The following SLC29A2 variants were observed in gnomAD, a reference collection of about 807,000 sequenced individuals.
The protein encoded by SLC29A2 is solute carrier family 29 member 2.
In SLC29A2, 37 loss-of-function variants were observed where a neutral mutation model predicts 48.8. That is an observed-to-expected ratio of 0.76 (90% CI 0.58 to 1.00). SLC29A2 has a LOEUF of 1.00. SLC29A2 is among the 50% of genes least tolerant of loss of function. SLC29A2 has a pLI of 0.00. For missense variants in SLC29A2, 533 were observed against 578.6 expected (o/e 0.92, Z 0.81); for synonymous variants, 233 against 261.7 (o/e 0.89, Z 1.06).
intron 2 of SLC29A2, among the ~76,000 whole-genome samples, chr11:66,370,014 A>G (rs1348890387): frequency 1.3e-5 from 2 of 152,262 alleles, no homozygotes; most frequent in Non-Finnish European, 2.9e-5. Context: ...CAAATGGAAC[A>G]GCTCTTCAGA....
In SLC29A2 at chr11:66,371,332, G is replaced by A. The variant is rs776389939; in HGVS notation, c.30-7C>T. 14 of 1,613,396 alleles carry A rather than the reference G, an allele frequency of 8.7e-6. No individual in the cohort carries two copies. Among genetic ancestry groups the A allele is most frequent in the East Asian group, 6.7e-5 (3 of 44,892 alleles). On this transcript the variant is annotated splice_polypyrimidine_tract_variant and splice_region_variant and intron_variant, in intron 1 of 11. Transcript: ENST00000357440. ...GATCCCGACCAGGTGGTAGCTGTGG[G>A]GATCGGTGGGAAGGTCACCCCGAGG...
At chr11:66,368,098 T>TA (rs1276617368) in intron 5 of SLC29A2, among the ~76,000 whole-genome samples, 1 of 152,220 alleles carries the variant, frequency 6.6e-6, no homozygotes, top group Non-Finnish European at 1.5e-5. Context: ...TATGTGCCAG[T>TA]AGCCTTCTCT....
intron 3 of SLC29A2, 77 bp downstream of exon 3, chr11:66,369,292 G>A (rs1590661258): frequency 6.2e-7 from 1 of 1,602,338 alleles, no homozygotes. Context: ...AGTAGGGCTG[G>A]GGGGCAGGGG....
rs920672925 is a variant in SLC29A2, at chr11:66,371,273, G to A, written c.82C>T (p.Pro28Ser). The A allele has an allele frequency of 1.9e-6, 3 of 1,613,910 alleles. No homozygotes were observed. Among genetic ancestry groups the A allele is most frequent in the East Asian group, 2.2e-5 (1 of 44,876 alleles). ...FFILGLGTLL[P>S]WNFFITAIPY... ...ATGGCGGTGATGAAGAAGTTCCAGG[G>A]AAGGAGGGTGCCCAGCCCCAGGATG... The change falls in exon 2 of 12, where the codon CCC becomes TCC. Residue 28 changes from proline to serine, a missense_variant. Pro to Ser is a moderately conservative substitution (Grantham distance 74). Coordinates refer to ENST00000357440, the MANE Select transcript of SLC29A2 (RefSeq NM_001532.3).
chr11:66,368,945 G>C, intron 4 of SLC29A2, 115 bp downstream of exon 4: 2 of 1,378,386 alleles, frequency 1.5e-6, no homozygotes, highest in Non-Finnish European at 1.0e-6. Flanking sequence ...TCTTCACCAG[G>C]GATATGAGCG....
chr11:66,363,192 T>G lies in SLC29A2; in HGVS notation c.*244A>C. The G allele has an allele frequency of 1.9e-6, 1 of 532,904 alleles. No individual in the cohort carries two copies. Among genetic ancestry groups the G allele is most frequent in the Non-Finnish European group, 3.4e-6 (1 of 292,382 alleles). The allele number at this position is 532,904 out of a possible 1,614,324, so 33.0% of individuals were successfully genotyped here. On this transcript the variant is annotated 3_prime_UTR_variant, in exon 12 of 12. Transcript: ENST00000357440. ...CCCTCTTTTCCCTAGTCATCACCCT[T>G]TCCATGAGGTCTTGTGCGAGTCACC...
chr11:66,371,420 C>T, intron 1 of SLC29A2, 95 bp from the exon 2 acceptor site: 5 of 1,515,120 alleles, frequency 3.3e-6, no homozygotes, highest in Non-Finnish European at 4.5e-6. Context: ...GGACTACAAC[C>T]CCGATCACCC....
At position 66,369,051 on chromosome 11, in the gene SLC29A2, G is replaced by A. The variant is rs755063797; in HGVS notation, c.415+9C>T. The A allele has an allele frequency of 6.3e-7, 1 of 1,596,660 alleles. No homozygotes were observed. Among genetic ancestry groups the A allele is most frequent in the Non-Finnish European group, 8.5e-7 (1 of 1,171,928 alleles). On this transcript the variant is annotated intron_variant, in intron 4 of 11. Transcript: ENST00000357440. ...ATAGGCTGGCTGGAGAGGGGGTGGA[G>A]GTGCTCACAGTTGATGAAGCAGACG...
chr11:66,368,946 G>A lies in SLC29A2; in HGVS notation c.415+114C>T, dbSNP rs1304247553. The A allele has an allele frequency of 2.2e-6, 3 of 1,379,392 alleles. No individual in the cohort carries two copies. In the Admixed American group the frequency reaches 5.9e-5, roughly 27 times the overall value. 85.4% of individuals were successfully genotyped at this position (1,379,392 alleles called of 1,614,324 possible). ...TGTGGGCCTCAGTTTCTTCACCAGG[G>A]ATATGAGCGACCATGATGCTGTCTG... On this transcript the variant is annotated intron_variant, in intron 4 of 11. Coordinates refer to ENST00000357440, the MANE Select transcript of SLC29A2 (RefSeq NM_001532.3).
In SLC29A2 at chr11:66,364,444, C is replaced by T. The variant is rs1855551455; in HGVS notation, c.1060-20G>A. 1 of 1,594,552 alleles carries T rather than the reference C, an allele frequency of 6.3e-7. No homozygotes were observed. Among genetic ancestry groups the T allele is most frequent in the African/African-American group, 1.3e-5 (1 of 74,408 alleles). On this transcript the variant is annotated intron_variant, in intron 10 of 11. Transcript: ENST00000357440. ...GTCTGGCTGTGGTAGAAGCTGAAGT[C>T]AGCATGGTCCCTGGAGCCAGGTCTC...
chr11:66,371,472 T>C (rs1856036835), intron 1 of SLC29A2, 91 bp downstream of exon 1: 2 of 1,511,234 alleles, frequency 1.3e-6, no homozygotes, highest in Non-Finnish European at 1.8e-6. Context: ...GGAATTGTAG[T>C]TCGATCCGGT....
Position 66,367,735 on chromosome 11 carries a change from C to G in SLC29A2, c.648+37G>C, listed in dbSNP as rs1855786356. On this transcript the variant is annotated intron_variant, in intron 6 of 11. Coordinates refer to ENST00000357440, the MANE Select transcript of SLC29A2 (RefSeq NM_001532.3). Reference sequence around the variant, plus strand: ...CAGGCTCAGGACTCTATCCAAGATGCTTTGAGGTGGGGCCTCGAGCCCAAC... The same window carrying G: ...CAGGCTCAGGACTCTATCCAAGATGGTTTGAGGTGGGGCCTCGAGCCCAAC... 2.5e-6 allele frequency: 4 copies of G among 1,588,030 alleles called. 1 individual carries two copies. The highest frequency in any genetic ancestry group is 3.3e-4 in the Middle Eastern group (2 of 6,004).
chr11:66,364,143 C>T, intron 11 of SLC29A2, 82 bp downstream of exon 11: 2 of 1,161,564 alleles, frequency 1.7e-6, no homozygotes, highest in South Asian at 1.4e-5. Flanking sequence ...ATGGGCCGTC[C>T]CTCCATTGCA....
chr11:66,364,420 T>A lies in SLC29A2; in HGVS notation c.1064A>T (p.Asp355Val), dbSNP rs1212502918. Residue 355 changes from aspartate to valine, a missense_variant, in exon 11 of 12, where the codon GAC (aspartate) becomes GTC (valine). Asp to Val is a radical substitution (Grantham distance 152, BLOSUM62 -3). Coordinates refer to ENST00000357440, the MANE Select transcript of SLC29A2 (RefSeq NM_001532.3). ...CAGGGGCAGCAGCCGGCTGTCCTCG[T>A]CTGGCTGTGGTAGAAGCTGAAGTCA... is the stretch of plus-strand genomic sequence containing the variant. ...RSLTSYFLWP[D>V]EDSRLLPLLV... is the part of the protein sequence containing the mutation. 1 of 1,609,858 alleles carries A rather than the reference T, an allele frequency of 6.2e-7. No homozygotes were observed. The highest frequency in any genetic ancestry group is 2.2e-5 in the East Asian group (1 of 44,738).
chr11:66,367,607 T>TCCCCCCCC, intron 6 of SLC29A2, 59 bp from the exon 7 acceptor site: 1 of 1,576,892 alleles, frequency 6.3e-7, no homozygotes, highest in African/African-American at 1.3e-5. Context: ...TCTGGATCCC[T>TCCCCCCCC]CCCCATACCA....
chr11:66,368,692 G>T (rs757088053), intron 4 of SLC29A2, 21 bp from the exon 5 acceptor site: 1 of 1,586,944 alleles, frequency 6.3e-7, no homozygotes, highest in South Asian at 1.1e-5. Flanking sequence ...CAGGGATGGG[G>T]GCTGCTGCTC....
intron 7 of SLC29A2, 82 bp from the exon 8 acceptor site, chr11:66,366,646 G>A (rs968231642): frequency 4.6e-5 from 70 of 1,511,208 alleles, no homozygotes; most frequent in African/African-American, 6.9e-5. Context: ...GAGATTCCCA[G>A]CAGTTAAAAC....
At chr11:66,366,369 G>C in intron 8 of SLC29A2, 62 bp downstream of exon 8, 5 of 1,613,008 alleles carry the variant, frequency 3.1e-6, no homozygotes, top group Non-Finnish European at 4.2e-6. Flanking sequence ...TATGACCTTG[G>C]AGTCAATGTG....
rs1855799783 is a variant in SLC29A2 at position 66,367,886 on chromosome 11, G to A, written c.551-17C>T. On this transcript the variant is annotated splice_polypyrimidine_tract_variant and intron_variant, in intron 5 of 11. Transcript: ENST00000357440. ...CCACGCCACCTGCGGAGGAACTTCA[G>A]CTGCAGAAGAGAGGCACCTGGTCCC... 35 of 1,610,058 alleles carry A rather than the reference G, an allele frequency of 2.2e-5. No individual in the cohort carries two copies. The highest frequency in any genetic ancestry group is 2.9e-5 in the Non-Finnish European group (34 of 1,176,886).
Sources: gnomAD v4.1 joint callset for allele counts (sites outside exome capture counted in the v4.1 genomes callset) on GRCh38, gnomAD v4.1.1 for gene constraint, MANE v1.5 for transcripts, NCBI Gene and HGNC (gene_info 2026-07-23, HGNC 2026-07-21) for gene names.